COMMD1: variants seen among roughly 807,000 people sequenced by gnomAD.
COMMD1 encodes the protein COMM domain-containing protein 1.
A neutral mutation model predicts 17.2 loss-of-function variants in COMMD1; 10 were observed. The observed-to-expected ratio is 0.58, with a 90% CI of 0.36 to 0.99. COMMD1 has a LOEUF of 0.99. COMMD1 is among the 50% of genes least tolerant of loss of function. COMMD1 has a pLI of 0.01. For missense variants in COMMD1, 270 were observed against 231.8 expected (o/e 1.17, Z -1.07); for synonymous variants, 97 against 91.6 (o/e 1.06, Z -0.34).
At chr2:61,992,283 G>A (rs982686120) in intron 1 of COMMD1, among the ~76,000 whole-genome samples, 10 of 152,194 alleles carry the variant, frequency 6.6e-5, no homozygotes, top group Non-Finnish European at 1.2e-4. Flanking sequence ...AGTACAAGTT[G>A]TATTAATTGC....
At chr2:61,888,488 G>A, upstream of COMMD1, 1 of 1,612,126 alleles carries the variant, frequency 6.2e-7, no homozygotes, top group African/African-American at 1.3e-5. Flanking sequence ...CCCGCTCCGG[G>A]GTGCCACATT....
chr2:61,972,650 A>G (rs1251368614), intron 1 of COMMD1, among the ~76,000 whole-genome samples: 1 of 152,186 alleles, frequency 6.6e-6, no homozygotes, highest in African/African-American at 2.4e-5. Context: ...TCCCCAAAAC[A>G]CATAACCTTT....
At chr2:61,924,340 C>T (rs7562143) in intron 1 of COMMD1, among the ~76,000 whole-genome samples, 1,473 of 139,974 alleles carry the variant, frequency 0.011, 18 homozygotes, top group African/African-American at 0.038. Context: ...GGCTTGAGAA[C>T]GAGTAAGGGG....
At chr2:61,891,894 C>A (rs1669440682) in intron 1 of COMMD1, among the ~76,000 whole-genome samples, 1 of 151,520 alleles carries the variant, frequency 6.6e-6, no homozygotes, top group Non-Finnish European at 1.5e-5. Context: ...TGCAGTGGCA[C>A]AATCTCGGCT....
At chr2:61,911,194 C>G (rs951731116) in intron 1 of COMMD1, among the ~76,000 whole-genome samples, 4 of 151,812 alleles carry the variant, frequency 2.6e-5, no homozygotes, top group Non-Finnish European at 5.9e-5. Flanking sequence ...TTTATCCAGG[C>G]TGGGCTCAGT....
At chr2:61,999,920 C>T (rs1668877112) in intron 1 of COMMD1, among the ~76,000 whole-genome samples, 1 of 148,174 alleles carries the variant, frequency 6.7e-6, no homozygotes, top group South Asian at 2.1e-4. Context: ...TCTGCCCCCT[C>T]CCCCACCCAC....
chr2:61,905,634 G>A (rs1348489343), upstream of COMMD1: 2 of 1,491,796 alleles, frequency 1.3e-6, no homozygotes, highest in Non-Finnish European at 1.8e-6. Flanking sequence ...CGGCCGCCGT[G>A]GCGGGGCACG....
At chr2:61,927,906 A>G (rs529187843) in intron 1 of COMMD1, among the ~76,000 whole-genome samples, 44 of 152,208 alleles carry the variant, frequency 2.9e-4, no homozygotes, top group Admixed American at 9.2e-4. Flanking sequence ...CTGGGATTAC[A>G]GGCGCATGCC....
chr2:61,905,977 C>T (rs1156415273), intron 1 of COMMD1, 119 bp downstream of exon 1: 13 of 983,870 alleles, frequency 1.3e-5, no homozygotes, highest in Admixed American at 2.0e-5. Context: ...CCTCTCAGAC[C>T]TCCACTCCGT....
At chr2:62,064,528 ATC>A (rs1482395636) in intron 2 of COMMD1, among the ~76,000 whole-genome samples, 2 of 152,002 alleles carry the variant, frequency 1.3e-5, no homozygotes, top group Non-Finnish European at 2.9e-5. Context: ...AGCTCATGTG[ATC>A]TCTTTGTTAT....
intron 2 of COMMD1, chr2:62,079,774 A>G (rs1288719059): frequency 6.6e-6 from 1 of 152,200 alleles, no homozygotes; most frequent in Admixed American, 6.5e-5. Context: ...TTTAAACAAC[A>G]TCTTTCCAAG....
intron 2 of COMMD1, among the ~76,000 whole-genome samples, chr2:62,077,088 A>C (rs1319561512): frequency 6.6e-6 from 1 of 152,158 alleles, no homozygotes; most frequent in Admixed American, 6.5e-5. Context: ...CTATGATTGC[A>C]CCACTGCCCT....
intron 1 of COMMD1, among the ~76,000 whole-genome samples, chr2:61,942,971 G>C (rs1670793071): frequency 6.6e-6 from 1 of 152,104 alleles, no homozygotes; most frequent in Non-Finnish European, 1.5e-5. Flanking sequence ...TGTAGTTTAT[G>C]CTTCAGAACT....
chr2:61,962,058 T>C (rs1671355648), intron 1 of COMMD1, among the ~76,000 whole-genome samples: 1 of 152,264 alleles, frequency 6.6e-6, no homozygotes, highest in African/African-American at 2.4e-5. Context: ...TTTACTGTTA[T>C]TTATATTTAA....
intron 2 of COMMD1, among the ~76,000 whole-genome samples, chr2:62,128,463 C>T (rs1235380542): frequency 1.3e-5 from 2 of 151,994 alleles, no homozygotes; most frequent in Admixed American, 6.6e-5. Context: ...GATTTCATGA[C>T]GAAATCACCA....
chr2:61,972,150 A>G (rs192071893), intron 1 of COMMD1, among the ~76,000 whole-genome samples: 31 of 152,338 alleles, frequency 2.0e-4, no homozygotes, highest in African/African-American at 6.5e-4. Context: ...GGTGAGATAA[A>G]TAATTCTAAG....
intron 2 of COMMD1, among the ~76,000 whole-genome samples, chr2:62,105,729 A>G (rs1381374619): frequency 1.3e-5 from 2 of 152,046 alleles, no homozygotes; most frequent in African/African-American, 4.8e-5. Context: ...AAGCTGAGGC[A>G]GGAGAATCAC....
At chr2:61,965,863 G>A (rs1319999785) in intron 1 of COMMD1, among the ~76,000 whole-genome samples, 1 of 152,002 alleles carries the variant, frequency 6.6e-6, no homozygotes, top group African/African-American at 2.4e-5. Context: ...ATTTTCAGAC[G>A]TACACAAAAG....
At position 61,942,276 on chromosome 2, in the gene COMMD1, G is replaced by A. The variant is rs368849433; in HGVS notation, c.180+36418G>A. Among the ~76,000 whole-genome samples, 3 of 151,954 alleles carry A rather than the reference G, an allele frequency of 2.0e-5. No individual in the cohort carries two copies. The East Asian group carries it at 5.8e-4, about 29-fold the overall frequency. The stretch of plus-strand genomic sequence containing the variant: ...GCGCCACCACGGCCAGCTAATTTTT[G>A]TATTTTTAGTAGAGATGGGGTTGCA... On this transcript the variant is annotated intron_variant, in intron 1 of 2. Coordinates refer to ENST00000311832, the MANE Select transcript of COMMD1 (RefSeq NM_152516.4).
Sources: gnomAD v4.1 joint callset for allele counts (sites outside exome capture counted in the v4.1 genomes callset) on GRCh38, gnomAD v4.1.1 for gene constraint, MANE v1.5 for transcripts, NCBI Gene and HGNC (gene_info 2026-07-23, HGNC 2026-07-21) for gene names.